CSMD1: variants seen among roughly 807,000 people sequenced by gnomAD.
The protein encoded by CSMD1 is CUB and sushi domain-containing protein 1.
A neutral mutation model predicts 417.5 loss-of-function variants in CSMD1; 213 were observed. That is an observed-to-expected ratio of 0.51 (90% CI 0.46 to 0.57). The LOEUF (loss-of-function observed/expected upper bound fraction) is 0.57. CSMD1 is among the 20% of genes least tolerant of loss of function. The pLI is 0.00. For missense variants in CSMD1, 6,923 were observed against 4,529.7 expected, an observed-to-expected ratio of 1.53 and a Z score of -15.17; for synonymous variants, 2,862 against 1,736.8, an observed-to-expected ratio of 1.65 and a Z score of -16.11.
intron 1 of CSMD1, among the ~76,000 whole-genome samples, chr8:4,661,162 A>T (rs1184673318): frequency 6.6e-6 from 1 of 152,194 alleles, no homozygotes; most frequent in Admixed American, 6.5e-5. Context: ...AAACCTGCAC[A>T]TGAAATTTTA....
At chr8:3,427,608 C>G (rs936299024) in intron 12 of CSMD1, among the ~76,000 whole-genome samples, 1 of 152,086 alleles carries the variant, frequency 6.6e-6, no homozygotes, top group Non-Finnish European at 1.5e-5. Flanking sequence ...TTTGACCATA[C>G]TCTGCAAATC....
chr8:3,495,402 G>A (rs1392583309), intron 10 of CSMD1, among the ~76,000 whole-genome samples: 1 of 151,402 alleles, frequency 6.6e-6, no homozygotes, highest in East Asian at 1.9e-4. Context: ...GATTTGCAAT[G>A]TGTACAGATA....
At chr8:4,202,215 T>C (rs1349017408) in intron 3 of CSMD1, among the ~76,000 whole-genome samples, 1 of 152,180 alleles carries the variant, frequency 6.6e-6, no homozygotes. Context: ...AAATGAGATG[T>C]GACTATTTGA....
At chr8:3,506,776 A>G (rs181734870) in intron 10 of CSMD1, among the ~76,000 whole-genome samples, 8 of 152,342 alleles carry the variant, frequency 5.3e-5, no homozygotes, top group South Asian at 2.1e-4. Context: ...CATGGTTGGC[A>G]GTGATTTACT....
chr8:3,495,523 C>T (rs917809942), intron 10 of CSMD1, among the ~76,000 whole-genome samples: 1 of 152,192 alleles, frequency 6.6e-6, no homozygotes, highest in African/African-American at 2.4e-5. Context: ...AGTATTTCAT[C>T]TCAACAATCA....
intron 3 of CSMD1, among the ~76,000 whole-genome samples, chr8:4,167,513 T>C (rs890833284): frequency 4.6e-5 from 7 of 152,158 alleles, no homozygotes; most frequent in African/African-American, 1.7e-4. Context: ...TTCTAAAATG[T>C]ATGTAGCTAC....
intron 5 of CSMD1, among the ~76,000 whole-genome samples, chr8:3,870,593 TC>T (rs980503522): frequency 3.7e-4 from 57 of 152,324 alleles, no homozygotes; most frequent in African/African-American, 1.4e-3. Flanking sequence ...AGGATCTCTT[TC>T]CCCAAACTCT....
intron 2 of CSMD1, among the ~76,000 whole-genome samples, chr8:4,586,435 C>T (rs1370674508): frequency 6.6e-6 from 1 of 152,140 alleles, no homozygotes; most frequent in Admixed American, 6.5e-5. Context: ...ACCTGTTAAG[C>T]TCATGTTTCA....
intron 26 of CSMD1, among the ~76,000 whole-genome samples, chr8:3,276,047 C>A (rs1323540615): frequency 2.0e-5 from 3 of 152,112 alleles, no homozygotes; most frequent in African/African-American, 7.2e-5. Flanking sequence ...GTTTTTTCCC[C>A]ATCTTTGTGG....
chr8:3,797,897 C>T (rs529655793), intron 5 of CSMD1, among the ~76,000 whole-genome samples: 7 of 151,978 alleles, frequency 4.6e-5, no homozygotes, highest in Admixed American at 1.3e-4. Flanking sequence ...CAAGTTGTTA[C>T]GCATCCCTGT....
At chr8:3,072,122 G>C (rs1256100314) in intron 49 of CSMD1, among the ~76,000 whole-genome samples, 2 of 152,188 alleles carry the variant, frequency 1.3e-5, no homozygotes, top group Non-Finnish European at 2.9e-5. Flanking sequence ...AAGAGTGAAT[G>C]GCAGAAAGTC....
chr8:3,732,348 AC>A (rs1466739717), intron 6 of CSMD1, among the ~76,000 whole-genome samples: 1 of 152,100 alleles, frequency 6.6e-6, no homozygotes, highest in East Asian at 1.9e-4. Context: ...TCACAGCCTC[AC>A]CATAGTAAAC....
chr8:4,092,931 T>C (rs547990356), intron 3 of CSMD1, among the ~76,000 whole-genome samples: 1 of 152,344 alleles, frequency 6.6e-6, no homozygotes, highest in Non-Finnish European at 1.5e-5. Context: ...TTTCTCTGAA[T>C]CCTTTATTAC....
At chr8:3,376,197 T>G (rs1208283455) in intron 18 of CSMD1, among the ~76,000 whole-genome samples, 2 of 152,002 alleles carry the variant, frequency 1.3e-5, no homozygotes, top group Non-Finnish European at 2.9e-5. Context: ...TAAAAAAAAT[T>G]TTTTGACAAT....
At chr8:4,795,409 T>C (rs1797923035) in intron 1 of CSMD1, among the ~76,000 whole-genome samples, 1 of 151,332 alleles carries the variant, frequency 6.6e-6, no homozygotes, top group South Asian at 2.1e-4. Flanking sequence ...GTAGCTGGGA[T>C]TACAGGTACC....
chr8:3,873,226 T>C (rs1291730233), intron 5 of CSMD1, among the ~76,000 whole-genome samples: 1 of 152,134 alleles, frequency 6.6e-6, no homozygotes, highest in African/African-American at 2.4e-5. Flanking sequence ...GGAACAGCAA[T>C]CATTCTATCA....
chr8:3,012,824 C>T (rs551681506), intron 52 of CSMD1, among the ~76,000 whole-genome samples: 1 of 152,102 alleles, frequency 6.6e-6, no homozygotes, highest in Non-Finnish European at 1.5e-5. Flanking sequence ...GGCTGTGTCC[C>T]CACCCAAATC....
At chr8:3,563,191 G>A (rs1585373929) in intron 10 of CSMD1, among the ~76,000 whole-genome samples, 1 of 151,540 alleles carries the variant, frequency 6.6e-6, no homozygotes. Flanking sequence ...TATTTAGTTG[G>A]GTTTTTTGTT....
At chr8:3,403,014 A>G (rs902770652) in intron 15 of CSMD1, among the ~76,000 whole-genome samples, 1 of 152,116 alleles carries the variant, frequency 6.6e-6, no homozygotes, top group South Asian at 2.1e-4. Context: ...TTAAGGTTTG[A>G]GTTTCTCTTT....
Sources: allele counts gnomAD v4.1 joint callset (sites outside exome capture counted in the v4.1 genomes callset), GRCh38; gene constraint gnomAD v4.1.1; transcripts MANE v1.5; gene names NCBI Gene and HGNC (gene_info 2026-07-23, HGNC 2026-07-21).